Variants in DNAH12 observed in about 807,000 individuals in gnomAD.
DNAH12 encodes axonemal beta dynein heavy chain 12.
DNAH12 carries 285 observed loss-of-function variants against 371.5 expected under a neutral mutation model. That is an observed-to-expected ratio of 0.77 (90% CI 0.70 to 0.85). The LOEUF (loss-of-function observed/expected upper bound fraction) is 0.85, where lower values mean the gene tolerates loss of function less well. DNAH12 is among the 40% of genes least tolerant of loss of function. The pLI is 0.00. For synonymous variants in DNAH12, 1,200 were observed against 1,213.0 expected (o/e 0.99, Z 0.22); for missense variants, 3,611 against 3,689.4 (o/e 0.98, Z 0.55).
At chr3:57,298,359 G>A (rs1428334316) in intron 70 of DNAH12, among the ~76,000 whole-genome samples, 1 of 152,194 alleles carries the variant, frequency 6.6e-6, no homozygotes, top group Non-Finnish European at 1.5e-5. Context: ...GTGGATGTGA[G>A]GCCAGAGTTG....
At chr3:57,519,894 G>A (rs2068346033) in intron 4 of DNAH12, 1 of 924,840 alleles carries the variant, frequency 1.1e-6, no homozygotes, top group African/African-American at 1.6e-5. Context: ...AGCTCCACAT[G>A]GCCACCACGT....
upstream of DNAH12, among the ~76,000 whole-genome samples, chr3:57,544,664 TC>T (rs1411006450): frequency 6.6e-6 from 1 of 152,180 alleles, no homozygotes; most frequent in African/African-American, 2.4e-5. Context: ...TCTTCAAATG[TC>T]CCCTAGTGAC....
At chr3:57,410,745 G>A (rs1180397106) in intron 39 of DNAH12, among the ~76,000 whole-genome samples, 2 of 152,066 alleles carry the variant, frequency 1.3e-5, no homozygotes, top group Non-Finnish European at 2.9e-5. Flanking sequence ...GAACCTGGGA[G>A]GCGGAGGTTG....
chr3:57,409,828 G>T (rs2064147898), intron 39 of DNAH12, among the ~76,000 whole-genome samples: 1 of 152,106 alleles, frequency 6.6e-6, no homozygotes, highest in South Asian at 2.1e-4. Context: ...CTAATTAAAA[G>T]GTGCTATATC....
At chr3:57,318,775 T>TA (rs1299829355) in intron 65 of DNAH12, among the ~76,000 whole-genome samples, 3 of 152,062 alleles carry the variant, frequency 2.0e-5, no homozygotes, top group Non-Finnish European at 4.4e-5. Context: ...TTAATCACTG[T>TA]AGCTTTGTAT....
chr3:57,508,991 C>CCTCTGAGGTATT (rs1449704187), intron 6 of DNAH12, 149 bp downstream of exon 6: 2 of 684,562 alleles, frequency 2.9e-6, no homozygotes, highest in Non-Finnish European at 5.0e-6. Context: ...AGAGAGAATA[C>CCTCTGAGGTATT]CTCTGAGGTA....
At chr3:57,421,230 T>C (rs1308982774) in intron 36 of DNAH12, among the ~76,000 whole-genome samples, 4 of 152,180 alleles carry the variant, frequency 2.6e-5, no homozygotes, top group Non-Finnish European at 5.9e-5. Flanking sequence ...GAAATAAAAT[T>C]TGTATGAATC....
At chr3:57,452,203 T>C (rs2065778619) in intron 25 of DNAH12, among the ~76,000 whole-genome samples, 1 of 152,204 alleles carries the variant, frequency 6.6e-6, no homozygotes, top group South Asian at 2.1e-4. Context: ...GTGACTTGGG[T>C]AATTTCCACT....
intron 2 of DNAH12, among the ~76,000 whole-genome samples, chr3:57,535,821 C>T (rs745432006): frequency 5.4e-5 from 8 of 148,152 alleles, no homozygotes; most frequent in Non-Finnish European, 1.2e-4. Context: ...GGATTACAGG[C>T]GTGAGCCACC....
At chr3:57,340,821 C>G (rs1246741531) in intron 60 of DNAH12, among the ~76,000 whole-genome samples, 1 of 152,034 alleles carries the variant, frequency 6.6e-6, no homozygotes, top group Non-Finnish European at 1.5e-5. Context: ...CCAGCATAAC[C>G]CTGACGCCAA....
intron 11 of DNAH12, among the ~76,000 whole-genome samples, chr3:57,491,268 T>C (rs1027264718): frequency 1.3e-5 from 2 of 152,032 alleles, no homozygotes; most frequent in Non-Finnish European, 2.9e-5. Flanking sequence ...TATACACACA[T>C]AGGTGGTAAA....
chr3:57,336,235 CCAGCATTTACCAATATAAAATT>C (rs1420945467), intron 60 of DNAH12, among the ~76,000 whole-genome samples: 3 of 152,030 alleles, frequency 2.0e-5, no homozygotes, highest in African/African-American at 7.2e-5. Context: ...TACAAAATGT[CCAGCATTTACCAATATAAAATT>C]CACAGCATCC....
chr3:57,416,555 A>G (rs904284566), intron 37 of DNAH12, among the ~76,000 whole-genome samples: 5 of 152,320 alleles, frequency 3.3e-5, no homozygotes, highest in Middle Eastern at 6.8e-3. Context: ...GGGTACAGAC[A>G]TGGGGGCAGC....
At chr3:57,390,878 C>T (rs1031698923) in intron 45 of DNAH12, among the ~76,000 whole-genome samples, 4,671 of 152,168 alleles carry the variant, frequency 0.031, 106 homozygotes, top group Non-Finnish European at 0.046. Context: ...TATGTTGATG[C>T]TACTGTGATA....
intron 29 of DNAH12, among the ~76,000 whole-genome samples, chr3:57,441,402 C>T (rs776660383): frequency 7.2e-5 from 11 of 152,000 alleles, no homozygotes; most frequent in Non-Finnish European, 1.5e-4. Flanking sequence ...AAAAAAGAGG[C>T]ATGAGAGACA....
In DNAH12 at chr3:57,425,123, T is replaced by C; in HGVS notation, c.5272A>G (p.Asn1758Asp). ...GTGAGAGATACAACCACGTTGCTGT[T>C]GCTTGTAGGAATCAGTTCCTGCAAG... is the stretch of plus-strand genomic sequence containing the variant. Reference protein sequence around the residue: ...KKCKELIPTSNSNVVVSLTRL... With the variant: ...KKCKELIPTSDSNVVVSLTRL... Residue 1758 changes from asparagine (N) to aspartate (D), a missense_variant, in exon 35 of 74, where the codon AAC (asparagine) becomes GAC (aspartate). By Grantham distance (23) the Asn-to-Asp change is conservative. Around this residue, in one of 3 missense-constraint regions of DNAH12, gnomAD observed 2,266 missense variants for 2,236.9 expected, o/e 1.01. Coordinates refer to ENST00000495027, the MANE Select transcript of DNAH12 (RefSeq NM_001366028.2). The C allele has an allele frequency of 4.3e-6, 3 of 702,432 alleles. No individual in the cohort carries two copies. Among genetic ancestry groups the C allele is most frequent in the Non-Finnish European group, 5.2e-6 (2 of 384,786 alleles). The allele number at this position is 702,432 out of a possible 1,614,324, so 43.5% of individuals were successfully genotyped here.
Position 57,439,518 on chromosome 3 carries a change from C to T in DNAH12, c.4546-2458G>A, listed in dbSNP as rs564150989. On this transcript the variant is annotated intron_variant, in intron 29 of 73. Transcript: ENST00000495027. The stretch of plus-strand genomic sequence containing the variant: ...ATATAGAAGAATTATTGGACCCCTA[C>T]CTTTCACCATATACAAAAATTAACT... Among the ~76,000 whole-genome samples the T allele has an allele frequency of 2.0e-5, 3 of 152,266 alleles. No homozygotes were observed. The East Asian group carries it at 5.8e-4, about 29-fold the overall frequency.
At chr3:57,542,120 G>C (rs1284787267) in intron 2 of DNAH12, among the ~76,000 whole-genome samples, 1 of 128,776 alleles carries the variant, frequency 7.8e-6, no homozygotes, top group Non-Finnish European at 1.6e-5. Context: ...GCCTTTGGCA[G>C]CAGGTACCCA....
chr3:57,322,042 G>T (rs981387086), intron 65 of DNAH12, among the ~76,000 whole-genome samples: 6 of 152,046 alleles, frequency 3.9e-5, no homozygotes, highest in Non-Finnish European at 7.4e-5. Context: ...ATCAACAATG[G>T]GAAAATAGAT....
Sources: allele counts gnomAD v4.1 joint callset (sites outside exome capture counted in the v4.1 genomes callset), GRCh38; gene constraint gnomAD v4.1.1; regional missense constraint gnomAD v4.1.1; transcripts MANE v1.5; gene names NCBI Gene and HGNC (gene_info 2026-07-23, HGNC 2026-07-21).